PLCH1: variants seen among roughly 807,000 people sequenced by gnomAD.
PLCH1 encodes the protein phospholipase C eta 1.
In PLCH1, 60 loss-of-function variants were observed where a neutral mutation model predicts 126.7. The ratio of observed to expected loss-of-function variants is 0.47; its 90% confidence interval spans 0.38 to 0.59. The LOEUF is 0.59. PLCH1 is among the 20% of genes least tolerant of loss of function. PLCH1 has a pLI of 0.00. For synonymous variants in PLCH1, 719 were observed against 734.9 expected, an observed-to-expected ratio of 0.98 and a Z score of 0.35; for missense variants, 1,723 against 2,040.0, an observed-to-expected ratio of 0.84 and a Z score of 2.99.
rs148936010 is a variant in PLCH1, at chr3:155,550,469, C to T, written c.1191-511G>A. The stretch of plus-strand genomic sequence containing the variant: ...GAATTCTGTGTTTTATAGCATCCTA[C>T]GTCGCACATTTCAAAATCACTTTGA... On this transcript the variant is annotated intron_variant, in intron 9 of 22. Transcript: ENST00000460012. 4.2e-4 allele frequency among the ~76,000 whole-genome samples: 64 copies of T among 152,260 alleles called. No individual in the cohort carries two copies. In the East Asian group the frequency reaches 0.011, roughly 26 times the overall value.
intron 2 of PLCH1, among the ~76,000 whole-genome samples, chr3:155,648,209 A>G (rs1452210558): frequency 2.0e-5 from 3 of 152,212 alleles, no homozygotes; most frequent in African/African-American, 7.2e-5. Context: ...GTCCCCAGGG[A>G]ACAATAGTAG....
intron 21 of PLCH1, among the ~76,000 whole-genome samples, chr3:155,461,846 T>C (rs1576761390): frequency 6.6e-6 from 1 of 152,208 alleles, no homozygotes; most frequent in East Asian, 1.9e-4. Context: ...GTCAATCCAA[T>C]GCTTGCATGA....
chr3:155,724,769 T>G (rs1004007044), intron 1 of PLCH1, among the ~76,000 whole-genome samples: 4 of 151,838 alleles, frequency 2.6e-5, no homozygotes, highest in African/African-American at 9.7e-5. Context: ...TGAGGTACTA[T>G]TCTATTCATC....
At chr3:155,542,052 G>A (rs936794373) in intron 10 of PLCH1, among the ~76,000 whole-genome samples, 43 of 152,310 alleles carry the variant, frequency 2.8e-4, no homozygotes, top group East Asian at 1.9e-4. Flanking sequence ...TGGGTGCAGT[G>A]CACCATGCGC....
At chr3:155,718,102 T>C (rs1423659556) in intron 1 of PLCH1, among the ~76,000 whole-genome samples, 1 of 152,200 alleles carries the variant, frequency 6.6e-6, no homozygotes, top group Non-Finnish European at 1.5e-5. Flanking sequence ...GAAGTTAAAG[T>C]GTCTATAGAT....
intron 10 of PLCH1, among the ~76,000 whole-genome samples, chr3:155,540,860 T>C (rs1436406123): frequency 6.6e-6 from 1 of 152,124 alleles, no homozygotes; most frequent in Non-Finnish European, 1.5e-5. Context: ...AAAGTAAATA[T>C]TTTCCTCTTG....
chr3:155,703,914 T>C (rs1746459928), intron 2 of PLCH1, among the ~76,000 whole-genome samples: 1 of 152,170 alleles, frequency 6.6e-6, no homozygotes, highest in South Asian at 2.1e-4. Context: ...CCAACTACCC[T>C]ACGAAATAGA....
intron 1 of PLCH1, among the ~76,000 whole-genome samples, chr3:155,741,684 C>CTTTTATTTTTTTTTTATTTTTATTT: frequency 1.0e-3 from 103 of 102,850 alleles, no homozygotes; most frequent in Middle Eastern, 7.0e-3. Flanking sequence ...TTTATATCCT[C>CTTTTATTTTTTTTTTATTTTTATTT]TTTTTTTTTT....
At chr3:155,498,809 A>C (rs945747927) in intron 14 of PLCH1, among the ~76,000 whole-genome samples, 2 of 152,122 alleles carry the variant, frequency 1.3e-5, no homozygotes, top group Non-Finnish European at 2.9e-5. Flanking sequence ...TCTCTCCTAC[A>C]AACCACTCAT....
chr3:155,454,077 A>G (rs1343211420), intron 21 of PLCH1, among the ~76,000 whole-genome samples: 1 of 152,204 alleles, frequency 6.6e-6, no homozygotes, highest in African/African-American at 2.4e-5. Context: ...GTATAGCAGC[A>G]AAAATTTGAG....
At chr3:155,659,050 C>T (rs1741777594) in intron 2 of PLCH1, among the ~76,000 whole-genome samples, 1 of 152,192 alleles carries the variant, frequency 6.6e-6, no homozygotes. Flanking sequence ...GTCTTCTTAG[C>T]TGCCACATCA....
At chr3:155,674,782 T>C (rs572009466) in intron 2 of PLCH1, among the ~76,000 whole-genome samples, 98 of 152,334 alleles carry the variant, frequency 6.4e-4, no homozygotes, top group African/African-American at 2.2e-3. Context: ...ATTTCCACTA[T>C]GTTTAAGAAT....
intron 2 of PLCH1, among the ~76,000 whole-genome samples, chr3:155,656,894 C>T (rs1741444114): frequency 2.0e-5 from 3 of 151,482 alleles, no homozygotes; most frequent in African/African-American, 7.3e-5. Context: ...ACCTATAAAA[C>T]CCAAGATAAT....
chr3:155,600,053 A>G (rs1451748442), intron 2 of PLCH1, among the ~76,000 whole-genome samples: 1 of 152,206 alleles, frequency 6.6e-6, no homozygotes, highest in Non-Finnish European at 1.5e-5. Context: ...CCTATCACAC[A>G]GAAAAGCCAT....
At chr3:155,600,342 G>A (rs1733553982) in intron 2 of PLCH1, among the ~76,000 whole-genome samples, 1 of 152,158 alleles carries the variant, frequency 6.6e-6, no homozygotes, top group African/African-American at 2.4e-5. Flanking sequence ...ATGATTAACA[G>A]CAGTTACCAC....
intron 22 of PLCH1, 61 bp downstream of exon 22, chr3:155,485,295 A>G (rs1212520942): frequency 9.7e-7 from 1 of 1,035,794 alleles, no homozygotes; most frequent in Non-Finnish European, 1.4e-6. Flanking sequence ...TCATAATGGT[A>G]AACAGGGACT....
At chr3:155,542,991 C>A (rs1724593253) in intron 10 of PLCH1, among the ~76,000 whole-genome samples, 1 of 152,228 alleles carries the variant, frequency 6.6e-6, no homozygotes, top group Admixed American at 6.5e-5. Flanking sequence ...CTTTCCTCCT[C>A]CAAAGGAACG....
chr3:155,546,670 G>A (rs941765962), intron 10 of PLCH1, among the ~76,000 whole-genome samples: 17 of 151,678 alleles, frequency 1.1e-4, no homozygotes, highest in African/African-American at 3.9e-4. Context: ...AAAACAGCAT[G>A]GTACTGGTAC....
chr3:155,643,044 G>A (rs1739591085), intron 2 of PLCH1, among the ~76,000 whole-genome samples: 3 of 152,174 alleles, frequency 2.0e-5, no homozygotes, highest in African/African-American at 4.8e-5. Context: ...CGCCTCCTGA[G>A]TTCAAGCAAT....
Sources: gnomAD v4.1 joint callset for allele counts (sites outside exome capture counted in the v4.1 genomes callset) on GRCh38, gnomAD v4.1.1 for gene constraint, MANE v1.5 for transcripts, NCBI Gene and HGNC (gene_info 2026-07-23, HGNC 2026-07-21) for gene names.